SUMF1: variants seen among roughly 807,000 people sequenced by gnomAD.
The protein encoded by SUMF1 is sulfatase modifying factor 1.
SUMF1 carries 48 observed loss-of-function variants against 47.6 expected under a neutral mutation model. The observed-to-expected ratio is 1.01, with a 90% CI of 0.80 to 1.28. SUMF1 has a LOEUF of 1.28. SUMF1 is among the 50% of genes most tolerant of loss of function. The probability of loss-of-function intolerance (pLI) is 0.00; values close to 1 mark genes in which losing one functional copy is unlikely to be tolerated. For synonymous variants in SUMF1, 230 were observed against 192.1 expected (o/e 1.20, Z -1.63); for missense variants, 571 against 485.4 (o/e 1.18, Z -1.66).
In SUMF1 at chr3:4,086,252, G is replaced by T. The variant is rs537055791; in HGVS notation, c.1015-17507C>A. Among the ~76,000 whole-genome samples, 10 of 151,072 alleles carry T rather than the reference G, an allele frequency of 6.6e-5. No individual in the cohort carries two copies. In the East Asian group the frequency reaches 1.7e-3, roughly 26 times the overall value. Reference sequence around the variant, plus strand: ...AAACAGAATTATTGTCATTAAACTGGGGTAAACTAAAACATCTAACAAAGA... The same window carrying T: ...AAACAGAATTATTGTCATTAAACTGTGGTAAACTAAAACATCTAACAAAGA... On this transcript the variant is annotated intron_variant and NMD_transcript_variant, in intron 8 of 12. Transcript: ENST00000448413.
intron 7 of SUMF1, among the ~76,000 whole-genome samples, chr3:4,379,944 C>A (rs1345173374): frequency 6.6e-6 from 1 of 151,654 alleles, no homozygotes. Context: ...TCTCCATTCC[C>A]ATTTGTGAAA....
intron 8 of SUMF1, among the ~76,000 whole-genome samples, chr3:4,081,047 G>T (rs566256588): frequency 6.6e-6 from 1 of 152,242 alleles, no homozygotes; most frequent in Admixed American, 6.5e-5. Context: ...TAAGCGTTTA[G>T]CCCAGTGACT....
At chr3:4,449,785 C>T (rs1413501678) in intron 2 of SUMF1, among the ~76,000 whole-genome samples, 1 of 152,164 alleles carries the variant, frequency 6.6e-6, no homozygotes, top group Admixed American at 6.5e-5. Flanking sequence ...GTCAAATGTG[C>T]TTATAAATCT....
At chr3:4,434,602 C>T (rs1484296823) in intron 3 of SUMF1, among the ~76,000 whole-genome samples, 1 of 152,162 alleles carries the variant, frequency 6.6e-6, no homozygotes, top group African/African-American at 2.4e-5. Context: ...CCAGGTGGTA[C>T]TGTATACATT....
chr3:4,404,072 G>A (rs1175716979), intron 7 of SUMF1, among the ~76,000 whole-genome samples: 2 of 152,196 alleles, frequency 1.3e-5, no homozygotes, highest in Non-Finnish European at 2.9e-5. Flanking sequence ...TCTGGATAAC[G>A]TGTTTGAAAT....
chr3:4,204,405 C>A (rs984855388), intron 8 of SUMF1, among the ~76,000 whole-genome samples: 5 of 152,014 alleles, frequency 3.3e-5, no homozygotes, highest in African/African-American at 1.2e-4. Flanking sequence ...TTTTAGGATC[C>A]ATTCTTTATT....
At chr3:4,259,223 C>T (rs976788526) in intron 8 of SUMF1, among the ~76,000 whole-genome samples, 1 of 151,778 alleles carries the variant, frequency 6.6e-6, no homozygotes, top group Admixed American at 6.6e-5. Context: ...TGTAAGTAAC[C>T]TGCACAATGT....
chr3:4,219,157 T>C (rs1696007681), intron 8 of SUMF1, among the ~76,000 whole-genome samples: 1 of 152,212 alleles, frequency 6.6e-6, no homozygotes, highest in African/African-American at 2.4e-5. Context: ...AGATTCTTGT[T>C]GCCACTTGGC....
intron 8 of SUMF1, among the ~76,000 whole-genome samples, chr3:4,242,576 T>C (rs929533762): frequency 2.6e-5 from 4 of 152,226 alleles, no homozygotes; most frequent in Admixed American, 2.6e-4. Context: ...AGATTATGTT[T>C]ATTGATTTAT....
chr3:4,461,215 T>TA (rs775251111), intron 1 of SUMF1, among the ~76,000 whole-genome samples: 1 of 152,228 alleles, frequency 6.6e-6, no homozygotes, highest in Non-Finnish European at 1.5e-5. Context: ...GAAACCTGTC[T>TA]AACAGATGTA....
At chr3:4,139,586 A>G (rs1378203510) in intron 8 of SUMF1, among the ~76,000 whole-genome samples, 28 of 110,714 alleles carry the variant, frequency 2.5e-4, no homozygotes, top group Admixed American at 9.9e-4. Flanking sequence ...GTGTGTATAT[A>G]TATACACACA....
intron 8 of SUMF1, among the ~76,000 whole-genome samples, chr3:4,233,332 A>G (rs1420452394): frequency 6.6e-6 from 1 of 152,278 alleles, no homozygotes; most frequent in African/African-American, 2.4e-5. Context: ...ACAATGAGGT[A>G]TATGTTATAG....
At chr3:4,269,023 G>GT (rs1459834584) in intron 8 of SUMF1, among the ~76,000 whole-genome samples, 3 of 152,002 alleles carry the variant, frequency 2.0e-5, no homozygotes, top group Non-Finnish European at 4.4e-5. Context: ...AATTTTTAAA[G>GT]TAACTTTTTA....
At chr3:4,444,076 G>A (rs1350854280) in intron 3 of SUMF1, among the ~76,000 whole-genome samples, 6 of 152,066 alleles carry the variant, frequency 3.9e-5, no homozygotes, top group Non-Finnish European at 8.8e-5. Flanking sequence ...TGGGTATTCA[G>A]GCAAAAACAA....
At chr3:4,433,837 C>G (rs1013518914) in intron 3 of SUMF1, among the ~76,000 whole-genome samples, 2 of 152,182 alleles carry the variant, frequency 1.3e-5, no homozygotes, top group African/African-American at 4.8e-5. Flanking sequence ...AGACTCACTT[C>G]CATCACTAGA....
intron 8 of SUMF1, among the ~76,000 whole-genome samples, chr3:4,149,010 C>G (rs1038434228): frequency 6.6e-6 from 1 of 151,788 alleles, no homozygotes. Context: ...TGCCCTGGTA[C>G]GAGAGAGACC....
At chr3:4,047,139 C>A (rs894795085) in intron 9 of SUMF1, among the ~76,000 whole-genome samples, 14 of 152,124 alleles carry the variant, frequency 9.2e-5, no homozygotes, top group African/African-American at 3.4e-4. Flanking sequence ...TTTCAAGTCT[C>A]AGTTTAAATA....
chr3:4,328,603 T>C (rs1371146982), intron 8 of SUMF1, among the ~76,000 whole-genome samples: 1 of 152,118 alleles, frequency 6.6e-6, no homozygotes, highest in Non-Finnish European at 1.5e-5. Flanking sequence ...GATTCAATTT[T>C]CTCCACTTGG....
intron 8 of SUMF1, among the ~76,000 whole-genome samples, chr3:4,338,402 C>T (rs969268838): frequency 3.3e-5 from 5 of 152,192 alleles, no homozygotes; most frequent in Non-Finnish European, 7.4e-5. Context: ...AAAATAAAGT[C>T]AGTGTGGCTT....
Sources: allele counts gnomAD v4.1 joint callset (sites outside exome capture counted in the v4.1 genomes callset), GRCh38; gene constraint gnomAD v4.1.1; transcripts MANE v1.5; gene names NCBI Gene and HGNC (gene_info 2026-07-23, HGNC 2026-07-21).